Variants in GPR137C observed in about 807,000 individuals in gnomAD.
The protein encoded by GPR137C is integral membrane protein GPR137C.
A neutral mutation model predicts 43.4 loss-of-function variants in GPR137C; 27 were observed. The observed-to-expected ratio is 0.62, with a 90% CI of 0.46 to 0.86. The LOEUF is 0.86. GPR137C is among the 40% of genes least tolerant of loss of function. The probability of loss-of-function intolerance (pLI) is 0.00; values close to 1 mark genes in which losing one functional copy is unlikely to be tolerated. For missense variants in GPR137C, 522 were observed against 534.6 expected, an observed-to-expected ratio of 0.98 and a Z score of 0.23; for synonymous variants, 285 against 226.9, an observed-to-expected ratio of 1.26 and a Z score of -2.30.
chr14:52,633,705 G>A (rs1342511583), intron 5 of GPR137C, 50 bp downstream of exon 5: 3 of 1,587,878 alleles, frequency 1.9e-6, no homozygotes, highest in Non-Finnish European at 1.7e-6. Context: ...TAAAAATTAT[G>A]GAACATTTAT....
At chr14:52,591,685 T>A (rs2038786727) in intron 1 of GPR137C, among the ~76,000 whole-genome samples, 1 of 152,222 alleles carries the variant, frequency 6.6e-6, no homozygotes, top group African/African-American at 2.4e-5. Context: ...TGTTTTTTTC[T>A]TGTAAATTTG....
At chr14:52,574,939 A>G (rs939971490) in intron 1 of GPR137C, among the ~76,000 whole-genome samples, 1 of 152,184 alleles carries the variant, frequency 6.6e-6, no homozygotes, top group Non-Finnish European at 1.5e-5. Context: ...CAATGGGGGA[A>G]GTAGTGTTGG....
intron 1 of GPR137C, among the ~76,000 whole-genome samples, chr14:52,557,888 T>G (rs193051327): frequency 5.3e-5 from 8 of 152,350 alleles, no homozygotes; most frequent in Admixed American, 4.6e-4. Flanking sequence ...TTAATAGTGC[T>G]TTTCTAACTT....
chr14:52,592,250 A>G (rs923063822), intron 1 of GPR137C, among the ~76,000 whole-genome samples: 1 of 152,182 alleles, frequency 6.6e-6, no homozygotes, highest in Non-Finnish European at 1.5e-5. Context: ...GTTTGAAGTC[A>G]GGTACTGTGA....
At chr14:52,573,554 C>G (rs1348469735) in intron 1 of GPR137C, among the ~76,000 whole-genome samples, 1 of 152,174 alleles carries the variant, frequency 6.6e-6, no homozygotes, top group Admixed American at 6.5e-5. Flanking sequence ...CTTCCTTACA[C>G]CTTATACAAA....
At chr14:52,577,516 G>GCACACACACACACACACACA (rs3064748) in intron 1 of GPR137C, among the ~76,000 whole-genome samples, 68 of 145,504 alleles carry the variant, frequency 4.7e-4, no homozygotes, top group Admixed American at 1.4e-3. Flanking sequence ...GCGCGCGCGC[G>GCACACACACACACACACACA]CACACACACA....
chr14:52,554,552 A>G (rs2139424228), intron 1 of GPR137C, among the ~76,000 whole-genome samples: 1 of 152,250 alleles, frequency 6.6e-6, no homozygotes, highest in Non-Finnish European at 1.5e-5. Flanking sequence ...TTCCCCCAAA[A>G]AAGTCCTCCT....
intron 1 of GPR137C, among the ~76,000 whole-genome samples, chr14:52,589,463 T>G (rs545924684): frequency 3.3e-5 from 5 of 152,294 alleles, no homozygotes; most frequent in African/African-American, 1.2e-4. Context: ...AAATGAACAG[T>G]TATCATCTGA....
intron 3 of GPR137C, among the ~76,000 whole-genome samples, chr14:52,615,062 A>C (rs1029351569): frequency 6.5e-4 from 99 of 152,300 alleles, no homozygotes; most frequent in African/African-American, 2.1e-3. Flanking sequence ...AGTTTCCCCA[A>C]GTAGTAGTAG....
chr14:52,628,793 CA>C (rs1407812405), intron 3 of GPR137C, among the ~76,000 whole-genome samples: 1 of 151,516 alleles, frequency 6.6e-6, no homozygotes, highest in Non-Finnish European at 1.5e-5. Context: ...GAGACTGTCT[CA>C]AAAATAAAAA....
chr14:52,613,112 G>T (rs1000658769), intron 3 of GPR137C: 1 of 152,066 alleles, frequency 6.6e-6, no homozygotes, highest in Non-Finnish European at 1.5e-5. Context: ...CCGGCATGGT[G>T]GCGGGTGCCT....
rs560116183 is a variant in GPR137C, at chr14:52,564,838, A to G, written c.444+11247A>G. ...TCTTGTTCACCATATCCCAAATAGCATAGTGAGGAGGAATCCCTGAATATA... is the reference window on the plus strand; with the variant it reads ...TCTTGTTCACCATATCCCAAATAGCGTAGTGAGGAGGAATCCCTGAATATA... On this transcript the variant is annotated intron_variant, in intron 1 of 6. Transcript: ENST00000321662. Among the ~76,000 whole-genome samples, 4 of 152,084 alleles carry G rather than the reference A, an allele frequency of 2.6e-5. 1 individual carries two copies. Among genetic ancestry groups the G allele is most frequent in the Admixed American group, 6.5e-5 (1 of 15,272 alleles).
At chr14:52,602,784 C>G (rs1393795362) in intron 3 of GPR137C, among the ~76,000 whole-genome samples, 1 of 152,018 alleles carries the variant, frequency 6.6e-6, no homozygotes, top group African/African-American at 2.4e-5. Flanking sequence ...TCAGTTTATA[C>G]AAAGTGGCAT....
At chr14:52,625,998 A>G (rs193067404) in intron 3 of GPR137C, among the ~76,000 whole-genome samples, 1 of 152,352 alleles carries the variant, frequency 6.6e-6, no homozygotes, top group East Asian at 1.9e-4. Flanking sequence ...TTAAATAAAT[A>G]CAAAGTAACA....
At chr14:52,561,095 T>G (rs1245057673) in intron 1 of GPR137C, among the ~76,000 whole-genome samples, 1 of 141,080 alleles carries the variant, frequency 7.1e-6, no homozygotes. Context: ...GAAGAGATGC[T>G]CAAGGTTATT....
At chr14:52,601,280 T>C (rs77241385) in intron 3 of GPR137C, among the ~76,000 whole-genome samples, 37 of 152,338 alleles carry the variant, frequency 2.4e-4, no homozygotes, top group African/African-American at 8.4e-4. Context: ...TCACTAATAA[T>C]AAGTTGAGAT....
chr14:52,621,501 T>C (rs1232574949), intron 3 of GPR137C, among the ~76,000 whole-genome samples: 1 of 151,822 alleles, frequency 6.6e-6, no homozygotes, highest in Non-Finnish European at 1.5e-5. Context: ...ATAGTAAATA[T>C]GTGGGTAAAT....
intron 1 of GPR137C, among the ~76,000 whole-genome samples, chr14:52,557,689 A>G (rs1019477300): frequency 2.0e-5 from 3 of 152,216 alleles, no homozygotes; most frequent in African/African-American, 7.2e-5. Context: ...ATTTTATGAA[A>G]TTGGTATTTT....
intron 1 of GPR137C, among the ~76,000 whole-genome samples, chr14:52,555,662 C>T (rs1428398586): frequency 1.3e-5 from 2 of 152,036 alleles, no homozygotes; most frequent in African/African-American, 2.4e-5. Flanking sequence ...GTGTAATATG[C>T]TTTTTTAAAA....
Sources: allele counts gnomAD v4.1 joint callset (sites outside exome capture counted in the v4.1 genomes callset), GRCh38; gene constraint gnomAD v4.1.1; transcripts MANE v1.5; gene names NCBI Gene and HGNC (gene_info 2026-07-23, HGNC 2026-07-21).